Variants in ROBO1 observed in about 807,000 individuals in gnomAD.
ROBO1 encodes the protein roundabout homolog 1.
A neutral mutation model predicts 195.9 loss-of-function variants in ROBO1; 149 were observed. The observed-to-expected ratio is 0.76, with a 90% CI of 0.67 to 0.87. The LOEUF is 0.87. ROBO1 is among the 40% of genes least tolerant of loss of function. The probability of loss-of-function intolerance (pLI) is 0.00; values close to 1 mark genes in which losing one functional copy is unlikely to be tolerated. For missense variants in ROBO1, 1,933 were observed against 2,068.3 expected (o/e 0.93, Z 1.27); for synonymous variants, 816 against 733.2 (o/e 1.11, Z -1.82).
chr3:78,911,447 C>G (rs997243796), intron 4 of ROBO1, among the ~76,000 whole-genome samples: 3 of 151,994 alleles, frequency 2.0e-5, no homozygotes, highest in Non-Finnish European at 4.4e-5. Flanking sequence ...ACGTGCTGAA[C>G]CCCCAAACTC....
chr3:78,945,245 G>A (rs560341132), intron 3 of ROBO1, among the ~76,000 whole-genome samples: 3 of 152,318 alleles, frequency 2.0e-5, no homozygotes, highest in East Asian at 3.9e-4. Flanking sequence ...TGACCCCCGA[G>A]TAGCCTAACT....
At chr3:78,823,126 T>C (rs2031182530) in intron 4 of ROBO1, among the ~76,000 whole-genome samples, 1 of 152,176 alleles carries the variant, frequency 6.6e-6, no homozygotes, top group Non-Finnish European at 1.5e-5. Flanking sequence ...TCTTCAATAG[T>C]GAAGATTCAG....
At chr3:79,722,053 T>C (rs1231236791) in intron 1 of ROBO1, among the ~76,000 whole-genome samples, 2 of 152,218 alleles carry the variant, frequency 1.3e-5, no homozygotes, top group African/African-American at 2.4e-5. Context: ...GTGACATCAC[T>C]GGGCAAGTCA....
intron 2 of ROBO1, among the ~76,000 whole-genome samples, chr3:79,500,951 A>G (rs1352177531): frequency 6.6e-6 from 1 of 151,764 alleles, no homozygotes; most frequent in Non-Finnish European, 1.5e-5. Flanking sequence ...TCTCTCTCAC[A>G]TCACCCTTTC....
chr3:79,374,823 AG>A (rs2036327784), intron 2 of ROBO1, among the ~76,000 whole-genome samples: 1 of 132,446 alleles, frequency 7.6e-6, no homozygotes, highest in South Asian at 2.5e-4. Flanking sequence ...TTGGAATAAT[AG>A]TTGGGCTTGT....
intron 3 of ROBO1, among the ~76,000 whole-genome samples, chr3:78,955,282 G>A (rs2040991352): frequency 6.6e-6 from 1 of 151,946 alleles, no homozygotes; most frequent in Non-Finnish European, 1.5e-5. Context: ...TGTCATGGGG[G>A]TTTGGTGTAC....
intron 4 of ROBO1, among the ~76,000 whole-genome samples, chr3:78,809,722 C>G (rs895070381): frequency 3.3e-5 from 5 of 152,164 alleles, no homozygotes; most frequent in Non-Finnish European, 5.9e-5. Flanking sequence ...CCATCATTCT[C>G]AGCAAACTAA....
chr3:79,158,622 G>C (rs1458887959), intron 2 of ROBO1, among the ~76,000 whole-genome samples: 1 of 151,630 alleles, frequency 6.6e-6, no homozygotes, highest in South Asian at 2.1e-4. Flanking sequence ...TTGTTGTAAG[G>C]AGTGAAGCAA....
At chr3:79,589,986 T>C (rs1398618402) in intron 1 of ROBO1, 25 bp from the exon 2 acceptor site, 1 of 994,124 alleles carries the variant, frequency 1.0e-6, no homozygotes, top group East Asian at 2.4e-5. Flanking sequence ...AAAATATTAT[T>C]TTGTAATGGT....
chr3:78,917,142 G>T (rs1215438821), intron 4 of ROBO1, among the ~76,000 whole-genome samples: 1 of 134,632 alleles, frequency 7.4e-6, no homozygotes, highest in Non-Finnish European at 1.5e-5. Context: ...CTGTCACCAG[G>T]CTGGAGTGCA....
chr3:79,417,487 C>T lies in ROBO1; in HGVS notation c.88+172337G>A, dbSNP rs573147208. On this transcript the variant is annotated intron_variant, in intron 2 of 30. Coordinates refer to ENST00000464233, the MANE Select transcript of ROBO1 (RefSeq NM_002941.4). ...AAGCTACTTCTAGATTCCTGATCCT[C>T]TAAAACTATATGAGATAATAGATAT... Among the ~76,000 whole-genome samples the T allele has an allele frequency of 3.9e-5, 6 of 152,216 alleles. No homozygotes were observed. The South Asian group carries it at 1.2e-3, about 32-fold the overall frequency.
intron 10 of ROBO1, among the ~76,000 whole-genome samples, chr3:78,680,570 A>G (rs1398899460): frequency 1.3e-5 from 2 of 152,110 alleles, no homozygotes; most frequent in East Asian, 1.9e-4. Context: ...CAGCCAAACA[A>G]CACATGAAAA....
chr3:78,671,540 C>G (rs921224655), intron 10 of ROBO1, among the ~76,000 whole-genome samples: 3 of 151,556 alleles, frequency 2.0e-5, no homozygotes, highest in Admixed American at 6.6e-5. Flanking sequence ...TGGAGTCACA[C>G]TTCAATTTGC....
intron 1 of ROBO1, among the ~76,000 whole-genome samples, chr3:79,659,981 C>A (rs1946282686): frequency 6.6e-6 from 1 of 152,060 alleles, no homozygotes; most frequent in African/African-American, 2.4e-5. Context: ...CTCAAAGAGA[C>A]TACATGGCTG....
chr3:78,802,979 C>G (rs909629550), intron 4 of ROBO1, among the ~76,000 whole-genome samples: 3 of 152,024 alleles, frequency 2.0e-5, no homozygotes, highest in African/African-American at 7.2e-5. Context: ...TCAATAAGGG[C>G]TAGTTTCACT....
At chr3:79,712,441 ACT>A (rs1216820478) in intron 1 of ROBO1, among the ~76,000 whole-genome samples, 2 of 152,132 alleles carry the variant, frequency 1.3e-5, no homozygotes, top group South Asian at 2.1e-4. Flanking sequence ...CAAGGCTCTA[ACT>A]CTCTCCAATT....
intron 1 of ROBO1, among the ~76,000 whole-genome samples, chr3:79,613,259 T>A (rs1423419362): frequency 6.6e-6 from 1 of 152,056 alleles, no homozygotes; most frequent in Non-Finnish European, 1.5e-5. Context: ...TAACATTGTT[T>A]TGTCTACTGG....
At position 78,948,117 on chromosome 3, in the gene ROBO1, C is replaced by T. The variant is rs541816870; in HGVS notation, c.173-9190G>A. On this transcript the variant is annotated intron_variant, in intron 3 of 30. Transcript: ENST00000464233. ...GTAGAAAAAGGAGCTGGTACCATTC[C>T]TTCTTAAACTATTCCAATCAATAGA... Among the ~76,000 whole-genome samples, 21 of 152,224 alleles carry T rather than the reference C, an allele frequency of 1.4e-4. No homozygotes were observed. The South Asian group carries it at 2.3e-3, about 17-fold the overall frequency.
chr3:78,968,307 C>T (rs2076690840), intron 3 of ROBO1, among the ~76,000 whole-genome samples: 1 of 141,506 alleles, frequency 7.1e-6, no homozygotes, highest in African/African-American at 2.6e-5. Context: ...CAGAGTCTCA[C>T]TCTGTCTCCC....
Sources: allele counts gnomAD v4.1 joint callset (sites outside exome capture counted in the v4.1 genomes callset), GRCh38; gene constraint gnomAD v4.1.1; transcripts MANE v1.5; gene names NCBI Gene and HGNC (gene_info 2026-07-23, HGNC 2026-07-21).